FRMD4A: variants seen among roughly 807,000 people sequenced by gnomAD.
The protein encoded by FRMD4A is FERM domain containing 4A, also known as FERM domain-containing protein 4A.
Under a neutral mutation model 129.1 loss-of-function variants are expected in FRMD4A, and 29 were observed. That is an observed-to-expected ratio of 0.22 (90% CI 0.17 to 0.31). The LOEUF is 0.31. FRMD4A is among the 10% of genes least tolerant of loss of function. FRMD4A has a pLI of 1.00. For synonymous variants in FRMD4A, 634 were observed against 571.6 expected, an observed-to-expected ratio of 1.11 and a Z score of -1.56; for missense variants, 1,272 against 1,375.8, an observed-to-expected ratio of 0.92 and a Z score of 1.19.
At chr10:13,678,975 T>C (rs532703437) in intron 15 of FRMD4A, among the ~76,000 whole-genome samples, 1 of 152,260 alleles carries the variant, frequency 6.6e-6, no homozygotes, top group South Asian at 2.1e-4. Flanking sequence ...ATTAACATCC[T>C]ACAGTGCTAT....
intron 2 of FRMD4A, among the ~76,000 whole-genome samples, chr10:14,111,693 A>G (rs1386312263): frequency 6.6e-6 from 1 of 152,088 alleles, no homozygotes; most frequent in Non-Finnish European, 1.5e-5. Context: ...TCATGTACCA[A>G]AAAGAATAAG....
chr10:14,266,897 C>G (rs1206325414), intron 2 of FRMD4A, among the ~76,000 whole-genome samples: 1 of 152,146 alleles, frequency 6.6e-6, no homozygotes, highest in Non-Finnish European at 1.5e-5. Flanking sequence ...TAACATTGAG[C>G]TAGCATACAT....
chr10:14,138,630 C>T (rs545491199), intron 2 of FRMD4A, among the ~76,000 whole-genome samples: 8 of 151,880 alleles, frequency 5.3e-5, no homozygotes, highest in East Asian at 1.9e-4. Context: ...CGTGGTGGTG[C>T]GCGCCTGTAA....
intron 11 of FRMD4A, among the ~76,000 whole-genome samples, chr10:13,738,405 A>AT (rs1306771245): frequency 6.6e-6 from 1 of 152,146 alleles, no homozygotes; most frequent in Non-Finnish European, 1.5e-5. Flanking sequence ...GACTCCTCTC[A>AT]TTTTAACAAC....
intron 23 of FRMD4A, chr10:13,653,940 A>T (rs2081910586): frequency 1.1e-5 from 2 of 190,294 alleles, no homozygotes; most frequent in Non-Finnish European, 1.0e-5. Context: ...GTGTGTTGAG[A>T]AAGAGCAAGT....
chr10:14,277,859 A>T (rs901360498), intron 2 of FRMD4A, among the ~76,000 whole-genome samples: 10 of 152,214 alleles, frequency 6.6e-5, no homozygotes, highest in African/African-American at 2.2e-4. Context: ...TGACTTCTCA[A>T]GGTCATGTCC....
chr10:13,914,261 C>T (rs754886865), intron 2 of FRMD4A, among the ~76,000 whole-genome samples: 2 of 152,204 alleles, frequency 1.3e-5, no homozygotes, highest in African/African-American at 4.8e-5. Context: ...AACGTATACT[C>T]TTATCATAGG....
chr10:13,786,636 G>A (rs1425032698), intron 5 of FRMD4A, among the ~76,000 whole-genome samples: 1 of 152,024 alleles, frequency 6.6e-6, no homozygotes, highest in Non-Finnish European at 1.5e-5. Flanking sequence ...TACATCCTTT[G>A]CAAAGGGCCT....
At chr10:14,101,157 C>T (rs981358830) in intron 2 of FRMD4A, among the ~76,000 whole-genome samples, 6 of 152,294 alleles carry the variant, frequency 3.9e-5, no homozygotes, top group African/African-American at 1.4e-4. Context: ...AAACACTTGA[C>T]TTATAACAAA....
intron 2 of FRMD4A, among the ~76,000 whole-genome samples, chr10:13,866,004 C>G (rs377208823): frequency 1.3e-5 from 2 of 152,082 alleles, no homozygotes; most frequent in Admixed American, 6.5e-5. Flanking sequence ...CAATTGCCTA[C>G]TCGTTGACAT....
At chr10:14,047,270 C>T (rs931330294) in intron 2 of FRMD4A, among the ~76,000 whole-genome samples, 2 of 152,134 alleles carry the variant, frequency 1.3e-5, no homozygotes, top group Non-Finnish European at 2.9e-5. Context: ...AAGAAGGTTA[C>T]GTGGGTGTGA....
intron 2 of FRMD4A, among the ~76,000 whole-genome samples, chr10:14,230,620 G>A (rs1843607157): frequency 2.0e-5 from 3 of 152,080 alleles, no homozygotes; most frequent in Admixed American, 6.6e-5. Flanking sequence ...TTTTTATTGT[G>A]ATTTTTTTCT....
chr10:13,721,758 T>C (rs1239378209), intron 12 of FRMD4A, among the ~76,000 whole-genome samples: 1 of 152,206 alleles, frequency 6.6e-6, no homozygotes, highest in Non-Finnish European at 1.5e-5. Context: ...CACTCTCTCA[T>C]AGACACGGCT....
chr10:14,143,933 AT>A (rs1232961958), intron 2 of FRMD4A, among the ~76,000 whole-genome samples: 1 of 152,188 alleles, frequency 6.6e-6, no homozygotes, highest in Non-Finnish European at 1.5e-5. Flanking sequence ...TGTTAAATAT[AT>A]TTTGTCACAA....
intron 1 of FRMD4A, 44 bp from the exon 2 acceptor site, chr10:14,330,227 C>T: frequency 1.1e-6 from 1 of 946,198 alleles, no homozygotes; most frequent in Non-Finnish European, 1.6e-6. Context: ...GAGCAAAAGG[C>T]TCAAGGGGAA....
intron 2 of FRMD4A, among the ~76,000 whole-genome samples, chr10:13,993,285 G>T (rs1275682430): frequency 4.6e-5 from 7 of 152,118 alleles, no homozygotes; most frequent in Non-Finnish European, 5.9e-5. Flanking sequence ...AGTTCCTCAG[G>T]GTTTAGCCAA....
intron 5 of FRMD4A, among the ~76,000 whole-genome samples, chr10:13,784,192 C>G (rs1399252106): frequency 6.6e-6 from 1 of 152,090 alleles, no homozygotes; most frequent in African/African-American, 2.4e-5. Context: ...CTACAGTTTT[C>G]TAGAATAGTG....
At chr10:13,781,189 A>T (rs1474362752) in intron 6 of FRMD4A, among the ~76,000 whole-genome samples, 2 of 151,564 alleles carry the variant, frequency 1.3e-5, no homozygotes, top group Non-Finnish European at 2.9e-5. Flanking sequence ...CTGTAGTCCC[A>T]GCTACTTAGG....
chr10:14,249,160 G>A (rs1393780061), intron 2 of FRMD4A, among the ~76,000 whole-genome samples: 1 of 152,050 alleles, frequency 6.6e-6, no homozygotes, highest in Non-Finnish European at 1.5e-5. Flanking sequence ...AGACCAGCCT[G>A]GCCAGCATCG....
Sources: allele counts gnomAD v4.1 joint callset (sites outside exome capture counted in the v4.1 genomes callset), GRCh38; gene constraint gnomAD v4.1.1; transcripts MANE v1.5; gene names NCBI Gene and HGNC (gene_info 2026-07-23, HGNC 2026-07-21).